PTPRQ: variants seen among roughly 807,000 people sequenced by gnomAD.
The protein encoded by PTPRQ is protein tyrosine phosphatase receptor type Q.
Under a neutral mutation model 246.0 loss-of-function variants are expected in PTPRQ, and 199 were observed. The ratio of observed to expected loss-of-function variants is 0.81; its 90% confidence interval spans 0.72 to 0.91. The LOEUF (loss-of-function observed/expected upper bound fraction) is 0.91. Ranked by LOEUF, PTPRQ falls within the 40% of genes least tolerant of loss-of-function variation. PTPRQ has a pLI of 0.00. For missense variants in PTPRQ, 2,624 were observed against 2,528.4 expected (o/e 1.04, Z -0.81); for synonymous variants, 869 against 853.2 (o/e 1.02, Z -0.32).
In PTPRQ at chr12:80,539,711, T is replaced by A. The variant is rs114562587; in HGVS notation, c.2986-65T>A. 1,506 of 1,284,262 alleles carry A rather than the reference T, an allele frequency of 1.2e-3. 17 individuals are homozygous for A. In the African/African-American group the frequency reaches 0.022, roughly 18 times the overall value. The allele number at this position is 1,284,262 out of a possible 1,614,324, so 79.6% of individuals were successfully genotyped here. ...GTAAAATCGATCCATTGATAACAAT[T>A]AGTTTGAAGTGTTCATGCATACTAA... is the stretch of plus-strand genomic sequence containing the variant. On this transcript the variant is annotated intron_variant, in intron 19 of 44. Transcript: ENST00000644991.
In PTPRQ at chr12:80,535,050, T is replaced by G; in HGVS notation, c.2985+13T>G. The G allele has an allele frequency of 6.7e-7, 1 of 1,491,956 alleles. No individual in the cohort carries two copies. The highest frequency in any genetic ancestry group is 8.9e-7 in the Non-Finnish European group (1 of 1,125,490). 92.4% of individuals were successfully genotyped at this position (1,491,956 alleles called of 1,614,324 possible). On this transcript the variant is annotated intron_variant, in intron 19 of 44. Transcript: ENST00000644991. ...TACTTTTATGCAGGTAAGAACTGAA[T>G]TTTCTTCTAGTTCTTTATTAACATC...
At chr12:80,628,016 A>T (rs545378495) in intron 33 of PTPRQ, among the ~76,000 whole-genome samples, 1 of 152,178 alleles carries the variant, frequency 6.6e-6, no homozygotes, top group African/African-American at 2.4e-5. Context: ...TGGTAATCTA[A>T]TCTAAAAAAA....
At chr12:80,588,054 G>A (rs1897674530) in intron 25 of PTPRQ, 75 bp from the exon 26 acceptor site, 8 of 1,412,048 alleles carry the variant, frequency 5.7e-6, no homozygotes, top group Non-Finnish European at 7.5e-6. Flanking sequence ...CTCCATAATA[G>A]AATTCTATTC....
chr12:80,647,833 T>C (rs779456764), intron 35 of PTPRQ, among the ~76,000 whole-genome samples: 8 of 152,068 alleles, frequency 5.3e-5, no homozygotes, highest in Non-Finnish European at 1.0e-4. Flanking sequence ...AATGGAATAG[T>C]CTATCACTTT....
intron 25 of PTPRQ, among the ~76,000 whole-genome samples, chr12:80,557,558 T>C (rs1896680053): frequency 1.3e-5 from 2 of 151,982 alleles, no homozygotes; most frequent in African/African-American, 2.4e-5. Context: ...GTGTCTTAAG[T>C]AGAAACTTGC....
In PTPRQ at chr12:80,541,650, G is replaced by C. The variant is rs1275709193; in HGVS notation, c.3250G>C (p.Val1084Leu). The C allele has an allele frequency of 6.4e-7, 1 of 1,550,920 alleles. No homozygotes were observed. The highest frequency in any genetic ancestry group is 8.7e-7 in the Non-Finnish European group (1 of 1,146,580). Residue 1084 changes from valine (V) to leucine (L), a missense_variant, in exon 21 of 45, where the codon GTC becomes CTC. By Grantham distance (32) the Val-to-Leu change is conservative. Transcript: ENST00000644991. ...WVPPAQPNGLVFYYVSLILQQ... is the reference protein window; with the variant it reads ...WVPPAQPNGLLFYYVSLILQQ... ...CCCACCGGCTCAACCAAACGGTCTA[G>C]TCTTCTACTATGTTTCACTGATCTT...
intron 25 of PTPRQ, among the ~76,000 whole-genome samples, chr12:80,582,893 AC>A (rs1291720243): frequency 6.6e-6 from 1 of 152,134 alleles, no homozygotes; most frequent in Non-Finnish European, 1.5e-5. Context: ...AACAAAAAAA[AC>A]TTTTCAAGTA....
intron 33 of PTPRQ, among the ~76,000 whole-genome samples, chr12:80,625,564 A>C (rs1327239579): frequency 1.3e-5 from 2 of 152,148 alleles, no homozygotes; most frequent in Non-Finnish European, 2.9e-5. Flanking sequence ...TTAGGGGCAA[A>C]AGAATCACCA....
intron 37 of PTPRQ, among the ~76,000 whole-genome samples, chr12:80,650,686 A>G (rs764675361): frequency 5.9e-5 from 9 of 152,092 alleles, no homozygotes; most frequent in Non-Finnish European, 1.0e-4. Context: ...CAAAATCAAT[A>G]GTGCCATAAA....
At chr12:80,475,811 T>C (rs904067054) in intron 8 of PTPRQ, among the ~76,000 whole-genome samples, 1 of 152,122 alleles carries the variant, frequency 6.6e-6, no homozygotes, top group East Asian at 1.9e-4. Context: ...ATTGAATATA[T>C]AGAATATATA....
At chr12:80,643,175 T>G (rs1032867701) in intron 35 of PTPRQ, among the ~76,000 whole-genome samples, 8 of 151,660 alleles carry the variant, frequency 5.3e-5, no homozygotes, top group Admixed American at 3.9e-4. Context: ...CGGTGGCTCA[T>G]GCCTGTAATC....
Position 80,458,169 on chromosome 12 carries a change from G to A in PTPRQ, c.460+525G>A, listed in dbSNP as rs117791757. ...TTAAGATACCTCCATTCTTCCAGGG[G>A]CATAGAGGAAAAATCTTGATGTCAC... On this transcript the variant is annotated intron_variant, in intron 4 of 44. Coordinates refer to ENST00000644991, the MANE Select transcript of PTPRQ (RefSeq NM_001145026.2). Among the ~76,000 whole-genome samples, 44 of 152,100 alleles carry A rather than the reference G, an allele frequency of 2.9e-4. 1 individual carries two copies. In the East Asian group the frequency reaches 8.3e-3, roughly 29 times the overall value.
chr12:80,593,369 C>G (rs1028022674), intron 26 of PTPRQ, among the ~76,000 whole-genome samples: 3 of 151,882 alleles, frequency 2.0e-5, no homozygotes, highest in Non-Finnish European at 4.4e-5. Flanking sequence ...TATCTGAGCC[C>G]ATAACAAAGA....
rs115616201 is a variant in PTPRQ, at chr12:80,493,466, T to G, written c.1540+11T>G. On this transcript the variant is annotated intron_variant, in intron 10 of 44. Transcript: ENST00000644991. ...AGACTTCACCAGTTGGTAGGTAGAA[T>G]TTTGATTTTCTATAAAGTTCATTTA... is the stretch of plus-strand genomic sequence containing the variant. 326 of 1,545,018 alleles carry G rather than the reference T, an allele frequency of 2.1e-4. 1 individual carries two copies. In the African/African-American group the frequency reaches 4.2e-3, roughly 20 times the overall value.
At chr12:80,543,470 G>A (rs1334267617) in intron 23 of PTPRQ, among the ~76,000 whole-genome samples, 1 of 151,860 alleles carries the variant, frequency 6.6e-6, no homozygotes, top group Non-Finnish European at 1.5e-5. Context: ...ATATGTCTGT[G>A]ATTTCTAGCA....
chr12:80,529,472 T>C (rs1895782660), intron 17 of PTPRQ, among the ~76,000 whole-genome samples: 1 of 152,172 alleles, frequency 6.6e-6, no homozygotes. Context: ...TCAAACCTTG[T>C]CTAGAGAACC....
chr12:80,588,152 G>A lies in PTPRQ; in HGVS notation c.4309G>A (p.Ala1437Thr). 6.6e-7 allele frequency: 1 copy of A among 1,525,834 alleles called. No homozygotes were observed. Among genetic ancestry groups the A allele is most frequent in the Non-Finnish European group, 8.8e-7 (1 of 1,133,318 alleles). 94.5% of individuals were successfully genotyped at this position (1,525,834 alleles called of 1,614,324 possible). A position where few individuals can be genotyped will look rare whatever the true frequency, so the allele number is the denominator to read the frequency against. The change falls in exon 26 of 45, where the codon GCT (alanine) becomes ACT (threonine). Residue 1437 changes from alanine to threonine, a missense_variant. Physicochemically the swap from Ala to Thr is moderately conservative, Grantham distance 58. Transcript: ENST00000644991. ...ETVPSVPTNI[A>T]FSDVQSTSAT... The stretch of plus-strand genomic sequence containing the variant: ...AGTTCCCAGTGTTCCCACAAATATT[G>A]CTTTTTCTGATGTTCAGTCAACTAG...
intron 25 of PTPRQ, among the ~76,000 whole-genome samples, chr12:80,575,872 A>AAAAAG (rs200396697): frequency 0.023 from 3,547 of 151,352 alleles, 155 homozygotes; most frequent in African/African-American, 0.081. Context: ...AAAGAAAAAG[A>AAAAAG]AAAAGAAAAG....
At chr12:80,656,003 C>T (rs368528232) in intron 38 of PTPRQ, among the ~76,000 whole-genome samples, 1 of 152,052 alleles carries the variant, frequency 6.6e-6, no homozygotes, top group South Asian at 2.1e-4. Context: ...TATTCCAACA[C>T]CACAAAGAAA....
Sources: allele counts gnomAD v4.1 joint callset (sites outside exome capture counted in the v4.1 genomes callset), GRCh38; gene constraint gnomAD v4.1.1; transcripts MANE v1.5; gene names NCBI Gene and HGNC (gene_info 2026-07-23, HGNC 2026-07-21).